SLC30A8: variants seen among roughly 807,000 people sequenced by gnomAD.
SLC30A8 encodes the protein proton-coupled zinc antiporter SLC30A8.
SLC30A8 carries 27 observed loss-of-function variants against 36.9 expected under a neutral mutation model. The ratio of observed to expected loss-of-function variants is 0.73; its 90% CI spans 0.54 to 1.01. The LOEUF (loss-of-function observed/expected upper bound fraction) is 1.01. SLC30A8 is among the 50% of genes least tolerant of loss of function. The pLI, the probability that SLC30A8 is intolerant of heterozygous loss-of-function variation, is 0.00. For synonymous variants in SLC30A8, 164 were observed against 172.4 expected (o/e 0.95, Z 0.38); for missense variants, 439 against 452.0 (o/e 0.97, Z 0.26).
At chr8:117,037,021 A>ATT (rs11426513) in intron 1 of SLC30A8, among the ~76,000 whole-genome samples, 1 of 151,952 alleles carries the variant, frequency 6.6e-6, no homozygotes, top group Non-Finnish European at 1.5e-5. Flanking sequence ...TAGCACATCA[A>ATT]TTTTTAAATT....
chr8:117,136,950 T>A (rs1821392402), intron 1 of SLC30A8, among the ~76,000 whole-genome samples: 1 of 152,018 alleles, frequency 6.6e-6, no homozygotes, highest in Admixed American at 6.6e-5. Context: ...AAGAGATTAT[T>A]TATCTCGATC....
rs1336761737 is a variant in SLC30A8 at position 117,176,135 on chromosome 8, A to G, written c.*3454A>G. On this transcript the variant is annotated 3_prime_UTR_variant, in exon 8 of 8. Coordinates refer to ENST00000456015, the MANE Select transcript of SLC30A8 (RefSeq NM_173851.3). ...GGGTGCATTTCTTTCTCTGGTTTCT[A>G]AATTGCCAGTGGCAAATTTGGATCA... 6.6e-6 allele frequency: 1 copy of G among 152,064 alleles called. No individual in the cohort carries two copies. Among genetic ancestry groups the G allele is most frequent in the Non-Finnish European group, 1.5e-5 (1 of 67,982 alleles). The allele number at this position is 152,064 out of a possible 1,614,324, so 9.4% of individuals were successfully genotyped here.
At chr8:117,037,724 G>C (rs1299320975) in intron 1 of SLC30A8, among the ~76,000 whole-genome samples, 1 of 152,176 alleles carries the variant, frequency 6.6e-6, no homozygotes, top group Non-Finnish European at 1.5e-5. Flanking sequence ...CAAGGCATAT[G>C]CATCTATGGT....
At chr8:117,141,292 T>C (rs1413020154) in intron 1 of SLC30A8, among the ~76,000 whole-genome samples, 1 of 152,116 alleles carries the variant, frequency 6.6e-6, no homozygotes, top group African/African-American at 2.4e-5. Context: ...ACTAATGAAC[T>C]GAATCCAGCA....
chr8:117,074,100 A>G (rs1198379117), intron 2 of SLC30A8, among the ~76,000 whole-genome samples: 1 of 152,172 alleles, frequency 6.6e-6, no homozygotes, highest in Non-Finnish European at 1.5e-5. Flanking sequence ...AGAAGGAGAC[A>G]GATGCCAACT....
intron 1 of SLC30A8, among the ~76,000 whole-genome samples, chr8:117,016,338 C>T (rs1172870849): frequency 1.3e-5 from 2 of 152,120 alleles, no homozygotes; most frequent in East Asian, 3.9e-4. Flanking sequence ...TAGGTGGTTT[C>T]AAACATTCTT....
At chr8:117,017,543 C>A (rs1438078282) in intron 1 of SLC30A8, among the ~76,000 whole-genome samples, 1 of 152,172 alleles carries the variant, frequency 6.6e-6, no homozygotes, top group Non-Finnish European at 1.5e-5. Flanking sequence ...ACACCAAAGT[C>A]AAATTGACGT....
intron 1 of SLC30A8, among the ~76,000 whole-genome samples, chr8:116,952,393 A>G (rs997326141): frequency 3.3e-5 from 5 of 152,184 alleles, no homozygotes; most frequent in Non-Finnish European, 7.3e-5. Flanking sequence ...CTTACACAAA[A>G]ATTATCAGTC....
chr8:117,019,400 A>G (rs1312405340), intron 1 of SLC30A8, among the ~76,000 whole-genome samples: 3 of 152,064 alleles, frequency 2.0e-5, no homozygotes, highest in Non-Finnish European at 4.4e-5. Context: ...CACTTTCCTT[A>G]TCATTTCCCC....
At chr8:117,063,109 G>A (rs1163473720) in intron 2 of SLC30A8, among the ~76,000 whole-genome samples, 1 of 152,164 alleles carries the variant, frequency 6.6e-6, no homozygotes, top group East Asian at 1.9e-4. Flanking sequence ...AGCGGCTAGG[G>A]CTTCCCATCA....
rs138437645 is a variant in SLC30A8, at chr8:117,010,096, G to T, written c.-265-29123G>T. ...GAGGGTAAGCCTAGGGACAGCACAT[G>T]TAAAAAAATTGGAGGAATTAGAATT... On this transcript the variant is annotated intron_variant, in intron 1 of 10. Transcript: ENST00000427715. 2.1e-3 allele frequency among the ~76,000 whole-genome samples: 327 copies of T among 152,296 alleles called. 2 individuals are homozygous for T. Among genetic ancestry groups the T allele is most frequent in the Middle Eastern group, 0.017 (5 of 292 alleles).
chr8:116,959,065 G>T (rs1264594853), intron 1 of SLC30A8, among the ~76,000 whole-genome samples: 1 of 151,700 alleles, frequency 6.6e-6, no homozygotes, highest in Non-Finnish European at 1.5e-5. Flanking sequence ...TAGCCGGGAT[G>T]GTCTCGATCT....
At chr8:117,150,898 C>T (rs1484490386) in intron 2 of SLC30A8, among the ~76,000 whole-genome samples, 1 of 152,114 alleles carries the variant, frequency 6.6e-6, no homozygotes, top group Non-Finnish European at 1.5e-5. Flanking sequence ...AGCCACCAAG[C>T]CCGGCCAGAA....
Position 117,175,221 on chromosome 8 carries a change from T to TGTCA in SLC30A8, c.*2541_*2544dup, listed in dbSNP as rs1490055132. ...TGGTGGTTTGCTGCACTCATCAACC[T>TGTCA]GTCATCTACATTCTTTTATGTCTGT... is the stretch of plus-strand genomic sequence containing the variant. On this transcript the variant is annotated 3_prime_UTR_variant, in exon 8 of 8. Transcript: ENST00000456015. 3 of 152,128 alleles carry TGTCA rather than the reference T, an allele frequency of 2.0e-5. No homozygotes were observed. The highest frequency in any genetic ancestry group is 7.2e-5 in the African/African-American group (3 of 41,430). The allele number at this position is 152,128 out of a possible 1,614,324, so 9.4% of individuals were successfully genotyped here.
intron 2 of SLC30A8, among the ~76,000 whole-genome samples, chr8:117,150,585 G>A (rs904633231): frequency 2.3e-4 from 35 of 151,894 alleles, no homozygotes; most frequent in Admixed American, 7.9e-4. Flanking sequence ...ATTTCCCTTC[G>A]CTAACACTAT....
Position 117,172,810 on chromosome 8 carries a change from CTATT to C in SLC30A8, c.*136_*139del. On this transcript the variant is annotated 3_prime_UTR_variant, in exon 8 of 8. Transcript: ENST00000456015. ...TGTCATGGTGCAATGCACATTTTAT[CTATT>C]TATTTAGTTCCATTCACCATGAAGG... 9.2e-7 allele frequency: 1 copy of C among 1,089,988 alleles called. No individual in the cohort carries two copies. The highest frequency in any genetic ancestry group is 1.3e-6 in the Non-Finnish European group (1 of 747,012). 67.5% of individuals were successfully genotyped at this position (1,089,988 alleles called of 1,614,324 possible).
chr8:117,055,984 A>G (rs1327609205), intron 2 of SLC30A8: 1 of 152,254 alleles, frequency 6.6e-6, no homozygotes, highest in East Asian at 1.9e-4. Flanking sequence ...TAATCTGGAA[A>G]GCAAGCAACA....
intron 1 of SLC30A8, among the ~76,000 whole-genome samples, chr8:116,969,485 A>G (rs1563727363): frequency 6.6e-6 from 1 of 152,180 alleles, no homozygotes; most frequent in Non-Finnish European, 1.5e-5. Context: ...AAAATGAAGT[A>G]ACTTCGTATG....
At chr8:117,112,043 C>T (rs1370736985) in intron 2 of SLC30A8, among the ~76,000 whole-genome samples, 1 of 151,982 alleles carries the variant, frequency 6.6e-6, no homozygotes, top group Non-Finnish European at 1.5e-5. Flanking sequence ...GCTATGCGTC[C>T]CTCTGTAAAA....
Sources: gnomAD v4.1 joint callset for allele counts (sites outside exome capture counted in the v4.1 genomes callset) on GRCh38, gnomAD v4.1.1 for gene constraint, MANE v1.5 for transcripts, NCBI Gene and HGNC (gene_info 2026-07-23, HGNC 2026-07-21) for gene names.